Variants in AK5 observed in about 807,000 individuals in gnomAD.
AK5 encodes the protein adenylate kinase 5.
AK5 carries 27 observed loss-of-function variants against 69.5 expected under a neutral mutation model. The observed-to-expected ratio is 0.39, with a 90% CI of 0.29 to 0.54. The LOEUF is 0.54. Among genes scored for constraint, AK5 ranks in the 20% least tolerant of loss-of-function variants. AK5 has a pLI of 0.71. For synonymous variants in AK5, 260 were observed against 244.4 expected, an observed-to-expected ratio of 1.06 and a Z score of -0.60; for missense variants, 531 against 700.4, an observed-to-expected ratio of 0.76 and a Z score of 2.73.
At chr1:77,447,497 G>A (rs138870672) in intron 8 of AK5, among the ~76,000 whole-genome samples, 2 of 152,282 alleles carry the variant, frequency 1.3e-5, no homozygotes, top group East Asian at 1.9e-4. Flanking sequence ...AAAGCAACAG[G>A]ATATACTCTA....
At chr1:77,395,936 C>G (rs1332530533) in intron 6 of AK5, among the ~76,000 whole-genome samples, 1 of 152,206 alleles carries the variant, frequency 6.6e-6, no homozygotes, top group Non-Finnish European at 1.5e-5. Context: ...CCTGAAAGAT[C>G]TATCAATACC....
At chr1:77,309,800 C>A (rs1008374802) in intron 5 of AK5, among the ~76,000 whole-genome samples, 1 of 152,188 alleles carries the variant, frequency 6.6e-6, no homozygotes, top group South Asian at 2.1e-4. Flanking sequence ...TGCCCCCACT[C>A]TTTTCTTGTT....
At chr1:77,415,170 T>G (rs935632662) in intron 7 of AK5, among the ~76,000 whole-genome samples, 18 of 152,226 alleles carry the variant, frequency 1.2e-4, no homozygotes, top group Non-Finnish European at 2.5e-4. Context: ...AAGCTTTCTT[T>G]TAAACAAAGG....
At chr1:77,516,508 A>G (rs903224004) in intron 10 of AK5, among the ~76,000 whole-genome samples, 1 of 152,224 alleles carries the variant, frequency 6.6e-6, no homozygotes, top group Non-Finnish European at 1.5e-5. Flanking sequence ...TATATCAAAC[A>G]TCACATTGTA....
intron 10 of AK5, among the ~76,000 whole-genome samples, chr1:77,497,114 C>T (rs1656367222): frequency 6.6e-6 from 1 of 152,216 alleles, no homozygotes; most frequent in Admixed American, 6.5e-5. Context: ...TGAGCTGTAA[C>T]ACTCACTGGT....
intron 8 of AK5, among the ~76,000 whole-genome samples, chr1:77,450,029 C>T (rs1354401364): frequency 1.3e-5 from 2 of 152,162 alleles, no homozygotes; most frequent in African/African-American, 4.8e-5. Flanking sequence ...TAAGTCATCT[C>T]TCTCAAGTTC....
intron 6 of AK5, among the ~76,000 whole-genome samples, chr1:77,404,510 T>C (rs1649483184): frequency 6.6e-6 from 1 of 152,178 alleles, no homozygotes; most frequent in African/African-American, 2.4e-5. Context: ...ACACTGAATG[T>C]CATCATTTTG....
chr1:77,558,911 C>A lies in AK5; in HGVS notation c.*241C>A. On this transcript the variant is annotated 3_prime_UTR_variant, in exon 14 of 14. Coordinates refer to ENST00000354567, the MANE Select transcript of AK5 (RefSeq NM_174858.3). ...CACTTCAGACAACTGTCTGCACTCA[C>A]GGCACACACACTTTGTATCATGCAG... is the stretch of plus-strand genomic sequence containing the variant. The A allele has an allele frequency of 4.2e-6, 2 of 470,702 alleles. No individual in the cohort carries two copies. The highest frequency in any genetic ancestry group is 7.8e-6 in the Non-Finnish European group (2 of 257,496). 29.2% of individuals were successfully genotyped at this position (470,702 alleles called of 1,614,324 possible).
intron 6 of AK5, among the ~76,000 whole-genome samples, chr1:77,406,501 A>G (rs1283433471): frequency 1.3e-5 from 2 of 150,870 alleles, no homozygotes; most frequent in Admixed American, 6.6e-5. Context: ...TTCAGTGGCC[A>G]CCTTGTATCT....
chr1:77,404,318 C>G (rs1006351169), intron 6 of AK5, among the ~76,000 whole-genome samples: 22 of 152,080 alleles, frequency 1.4e-4, no homozygotes, highest in African/African-American at 2.7e-4. Context: ...CAAGTAGCCC[C>G]CTGACCCCCT....
At chr1:77,505,364 GAGATATCAGAGCAGAC>G (rs906189921) in intron 10 of AK5, among the ~76,000 whole-genome samples, 35 of 152,324 alleles carry the variant, frequency 2.3e-4, no homozygotes, top group African/African-American at 7.9e-4. Context: ...CCAAAGAGGT[GAGATATCAGAGCAGAC>G]AGATTCCCAA....
chr1:77,370,254 G>A lies in AK5; in HGVS notation c.891+29686G>A, dbSNP rs564188259. 1.2e-4 allele frequency among the ~76,000 whole-genome samples: 19 copies of A among 152,246 alleles called. No homozygotes were observed. In the South Asian group the frequency reaches 3.1e-3, roughly 25 times the overall value. ...GTTTTCACACTTCACCTCCAGCTCC[G>A]TGGAGAACTCCAGCAGTGAGCTTGG... On this transcript the variant is annotated intron_variant, in intron 6 of 13. Transcript: ENST00000354567.
At chr1:77,431,590 G>C (rs1031879039) in intron 8 of AK5, among the ~76,000 whole-genome samples, 4 of 152,192 alleles carry the variant, frequency 2.6e-5, no homozygotes, top group Non-Finnish European at 5.9e-5. Context: ...AAAAGCACTA[G>C]AAGCATATTT....
intron 8 of AK5, among the ~76,000 whole-genome samples, chr1:77,429,155 T>C (rs2100606930): frequency 6.6e-6 from 1 of 152,328 alleles, no homozygotes; most frequent in East Asian, 1.9e-4. Flanking sequence ...TTTCTAGTTC[T>C]AGATCCCTGA....
chr1:77,333,071 C>T (rs1661170805), intron 5 of AK5, among the ~76,000 whole-genome samples: 1 of 151,894 alleles, frequency 6.6e-6, no homozygotes, highest in Non-Finnish European at 1.5e-5. Context: ...CTAGGTAATA[C>T]TTTTCTCCCT....
At chr1:77,397,773 G>T (rs1410699045) in intron 6 of AK5, among the ~76,000 whole-genome samples, 1 of 152,108 alleles carries the variant, frequency 6.6e-6, no homozygotes, top group African/African-American at 2.4e-5. Context: ...ATGGTGCCAC[G>T]TGCCTGTAGC....
chr1:77,496,850 T>G (rs974877796), intron 10 of AK5, among the ~76,000 whole-genome samples: 2 of 152,042 alleles, frequency 1.3e-5, no homozygotes, highest in Non-Finnish European at 2.9e-5. Flanking sequence ...CAATCAGCAC[T>G]CTGTAAAATG....
intron 6 of AK5, among the ~76,000 whole-genome samples, chr1:77,410,720 A>G (rs1473430543): frequency 2.0e-5 from 3 of 152,286 alleles, no homozygotes; most frequent in Non-Finnish European, 4.4e-5. Flanking sequence ...GTTTTTCCAA[A>G]CGTGCTCCAT....
intron 13 of AK5, 74 bp downstream of exon 13, chr1:77,536,112 CT>C (rs1658952823): frequency 6.9e-7 from 1 of 1,456,064 alleles, no homozygotes; most frequent in African/African-American, 1.4e-5. Context: ...AGAGAAAAAG[CT>C]GAGAACATTT....
Sources: allele counts gnomAD v4.1 joint callset (sites outside exome capture counted in the v4.1 genomes callset), GRCh38; gene constraint gnomAD v4.1.1; transcripts MANE v1.5; gene names NCBI Gene and HGNC (gene_info 2026-07-23, HGNC 2026-07-21).